Variants in SEMA6A observed in about 807,000 individuals in gnomAD.
SEMA6A encodes the protein semaphorin 6A, also known as semaphorin-6A.
Under a neutral mutation model 96.8 loss-of-function variants are expected in SEMA6A, and 25 were observed. The observed-to-expected ratio is 0.26, with a 90% CI of 0.19 to 0.36. The LOEUF (loss-of-function observed/expected upper bound fraction) is 0.36, where lower values mean the gene tolerates loss of function less well. Ranked by LOEUF, SEMA6A falls within the 10% of genes least tolerant of loss-of-function variation. The pLI is 1.00. For missense variants in SEMA6A, 1,363 were observed against 1,323.1 expected, an observed-to-expected ratio of 1.03 and a Z score of -0.47; for synonymous variants, 612 against 518.0, an observed-to-expected ratio of 1.18 and a Z score of -2.46.
rs1467462013 is a variant in SEMA6A at position 116,445,537 on chromosome 5, A to G, written c.*1076T>C. ...ACCATGTTGGCATCAATGAGATATG[A>G]TGTGCCATTCTAAAAGCTTTCTCTC... On this transcript the variant is annotated 3_prime_UTR_variant, in exon 19 of 19. Coordinates refer to ENST00000343348, the MANE Select transcript of SEMA6A (RefSeq NM_020796.5). 1 of 152,612 alleles carries G rather than the reference A, an allele frequency of 6.6e-6. No homozygotes were observed. Among genetic ancestry groups the G allele is most frequent in the Non-Finnish European group, 1.5e-5 (1 of 68,024 alleles). 9.5% of individuals were successfully genotyped at this position (152,612 alleles called of 1,614,324 possible). A position where few individuals can be genotyped will look rare whatever the true frequency, so the allele number is the denominator to read the frequency against.
chr5:116,449,506 G>GA, intron 18 of SEMA6A: 1 of 580,982 alleles, frequency 1.7e-6, no homozygotes, highest in Non-Finnish European at 3.1e-6. Flanking sequence ...TGTCACAGCC[G>GA]AGACCTTGAA....
chr5:116,560,926 C>T (rs1417686651), intron 1 of SEMA6A, among the ~76,000 whole-genome samples: 1 of 152,112 alleles, frequency 6.6e-6, no homozygotes, highest in Non-Finnish European at 1.5e-5. Flanking sequence ...TGTTCTATGT[C>T]AGGACTCACT....
intron 1 of SEMA6A, among the ~76,000 whole-genome samples, chr5:116,568,795 A>G (rs1761104029): frequency 6.6e-6 from 1 of 150,824 alleles, no homozygotes; most frequent in South Asian, 2.1e-4. Flanking sequence ...TGCATGAGCC[A>G]TACCACCTAT....
chr5:116,474,671 TAG>T (rs1448060024), intron 16 of SEMA6A, among the ~76,000 whole-genome samples: 1 of 152,218 alleles, frequency 6.6e-6, no homozygotes, highest in African/African-American at 2.4e-5. Flanking sequence ...CTGAAAGATT[TAG>T]AGTTATGTCC....
chr5:116,480,500 C>T (rs905247650), intron 11 of SEMA6A, among the ~76,000 whole-genome samples: 9 of 152,182 alleles, frequency 5.9e-5, no homozygotes, highest in African/African-American at 2.2e-4. Flanking sequence ...AGTTCAGCCT[C>T]AGCTGGGGGC....
At chr5:116,479,279 G>A (rs1756630178) in intron 12 of SEMA6A, among the ~76,000 whole-genome samples, 1 of 152,140 alleles carries the variant, frequency 6.6e-6, no homozygotes, top group Admixed American at 6.6e-5. Context: ...TAAAGGTGAA[G>A]GGCATACCTG....
At chr5:116,538,411 G>A (rs901949505) in intron 1 of SEMA6A, among the ~76,000 whole-genome samples, 2 of 152,008 alleles carry the variant, frequency 1.3e-5, no homozygotes, top group South Asian at 4.1e-4. Flanking sequence ...CCTCAACTTG[G>A]ACTGCCAGGA....
At chr5:116,477,508 T>C (rs533792968) in intron 15 of SEMA6A, among the ~76,000 whole-genome samples, 1 of 152,334 alleles carries the variant, frequency 6.6e-6, no homozygotes, top group African/African-American at 2.4e-5. Flanking sequence ...ACTAATCTAA[T>C]TGGTATCCTA....
chr5:116,499,986 A>T (rs756786812), intron 3 of SEMA6A, among the ~76,000 whole-genome samples: 29 of 152,172 alleles, frequency 1.9e-4, no homozygotes, highest in Non-Finnish European at 4.3e-4. Context: ...TTCACAAGAG[A>T]TTCTTAAGTC....
intron 3 of SEMA6A, 37 bp from the exon 4 acceptor site, chr5:116,497,424 A>G (rs1295682032): frequency 7.5e-7 from 1 of 1,324,760 alleles, no homozygotes; most frequent in East Asian, 2.3e-5. Context: ...GGTCAAACAC[A>G]GAGTCAAAAC....
chr5:116,488,278 T>TATTA, intron 8 of SEMA6A, 82 bp from the exon 9 acceptor site: 2 of 922,168 alleles, frequency 2.2e-6, no homozygotes, highest in Non-Finnish European at 1.7e-6. Context: ...AAAGACATGT[T>TATTA]ATTAATTAAA....
chr5:116,531,507 T>C (rs1168352277), intron 1 of SEMA6A, among the ~76,000 whole-genome samples: 5 of 152,124 alleles, frequency 3.3e-5, no homozygotes, highest in Admixed American at 1.3e-4. Context: ...AATCTGGTGG[T>C]GAAAGTCCTT....
At chr5:116,513,404 G>A (rs1758511724) in intron 1 of SEMA6A, among the ~76,000 whole-genome samples, 1 of 152,128 alleles carries the variant, frequency 6.6e-6, no homozygotes, top group African/African-American at 2.4e-5. Flanking sequence ...TAGGAGTACA[G>A]GTGTGAGCCA....
intron 1 of SEMA6A, among the ~76,000 whole-genome samples, chr5:116,536,017 C>G (rs749354398): frequency 6.6e-6 from 1 of 152,174 alleles, no homozygotes; most frequent in Non-Finnish European, 1.5e-5. Context: ...GATAAAGATG[C>G]CCACATGGCT....
rs1298711549 is a variant in SEMA6A at position 116,512,479 on chromosome 5, A to AAT, written c.-38-7499_-38-7498dup. On this transcript the variant is annotated intron_variant, in intron 1 of 18. Transcript: ENST00000343348. Reference sequence around the variant, plus strand: ...GTGATGATGGCATTCAATGGAGGATAATAATAAATATCGACTGGGTGTAAT... The same window carrying AAT: ...GTGATGATGGCATTCAATGGAGGATAATATAATAAATATCGACTGGGTGTAAT... 3.3e-5 allele frequency among the ~76,000 whole-genome samples: 5 copies of AAT among 152,236 alleles called. No homozygotes were observed. The East Asian group carries it at 7.7e-4, about 23-fold the overall frequency.
At chr5:116,568,359 G>A (rs994524445) in intron 1 of SEMA6A, among the ~76,000 whole-genome samples, 2 of 152,166 alleles carry the variant, frequency 1.3e-5, no homozygotes, top group Non-Finnish European at 2.9e-5. Flanking sequence ...CCAAGGTAGT[G>A]AGAGTCTGGA....
At chr5:116,458,502 T>C (rs761137569) in intron 18 of SEMA6A, among the ~76,000 whole-genome samples, 2 of 152,156 alleles carry the variant, frequency 1.3e-5, no homozygotes, top group African/African-American at 2.4e-5. Flanking sequence ...GAAGCACCTC[T>C]AGAAGGTGAA....
chr5:116,570,328 A>G (rs1298573357), intron 1 of SEMA6A, among the ~76,000 whole-genome samples: 1 of 148,172 alleles, frequency 6.7e-6, no homozygotes, highest in Non-Finnish European at 1.5e-5. Context: ...CTTGGCTCCA[A>G]GGCACCCCAA....
chr5:116,498,346 G>A (rs540079426), intron 3 of SEMA6A: 1 of 152,008 alleles, frequency 6.6e-6, no homozygotes, highest in Non-Finnish European at 1.5e-5. Context: ...AAGTCCCCTC[G>A]TTACTTAAAA....
Sources: allele counts gnomAD v4.1 joint callset (sites outside exome capture counted in the v4.1 genomes callset), GRCh38; gene constraint gnomAD v4.1.1; transcripts MANE v1.5; gene names NCBI Gene and HGNC (gene_info 2026-07-23, HGNC 2026-07-21).